VIT: variants seen among roughly 807,000 people sequenced by gnomAD.
VIT encodes vitrin.
VIT carries 99 observed loss-of-function variants against 78.0 expected under a neutral mutation model. The ratio of observed to expected loss-of-function variants is 1.27; its 90% CI spans 1.08 to 1.50. VIT has a LOEUF of 1.50. Among genes scored for constraint, VIT ranks in the 40% most tolerant of loss-of-function variants. The pLI is 0.00. For synonymous variants in VIT, 374 were observed against 334.3 expected (o/e 1.12, Z -1.29); for missense variants, 1,126 against 875.3 (o/e 1.29, Z -3.61).
At chr2:36,731,905 G>T (rs1667235085) in intron 3 of VIT, among the ~76,000 whole-genome samples, 1 of 152,188 alleles carries the variant, frequency 6.6e-6, no homozygotes. Context: ...AGAAAGATTT[G>T]CTTCACACAG....
At chr2:36,759,651 CAA>C in intron 6 of VIT, 5 of 990,184 alleles carry the variant, frequency 5.0e-6, no homozygotes, top group Non-Finnish European at 6.0e-6. Flanking sequence ...ATTTCCCACA[CAA>C]AGAGAAACTG....
At chr2:36,794,942 A>G (rs1267659366) in intron 12 of VIT, among the ~76,000 whole-genome samples, 1 of 152,210 alleles carries the variant, frequency 6.6e-6, no homozygotes, top group African/African-American at 2.4e-5. Flanking sequence ...ATCATCTAGG[A>G]TGTAATAGAA....
Position 36,759,061 on chromosome 2 carries a change from G to A in VIT, c.487+15G>A, listed in dbSNP as rs1668948093. 2 of 1,614,136 alleles carry A rather than the reference G, an allele frequency of 1.2e-6. No individual in the cohort carries two copies. Among genetic ancestry groups the A allele is most frequent in the Non-Finnish European group, 1.7e-6 (2 of 1,180,036 alleles). On this transcript the variant is annotated intron_variant, in intron 6 of 15. Coordinates refer to ENST00000379242, the MANE Select transcript of VIT (RefSeq NM_053276.4). ...TGCCCAAGCAGGCAAGTGCTCACGT[G>A]TGATTGAATCTAAACCTTCTGAGTC...
chr2:36,723,081 G>A (rs1011382543), intron 2 of VIT, among the ~76,000 whole-genome samples: 25 of 151,940 alleles, frequency 1.6e-4, no homozygotes, highest in Admixed American at 1.2e-3. Flanking sequence ...TAACATGTTA[G>A]TATATTTGTT....
chr2:36,702,405 A>AC (rs370103057), intron 1 of VIT, among the ~76,000 whole-genome samples: 1 of 144,344 alleles, frequency 6.9e-6, no homozygotes, highest in African/African-American at 2.5e-5. Context: ...AGCTCAGAGG[A>AC]TTTTTTTTTT....
chr2:36,700,907 A>T (rs1194243443), intron 1 of VIT, among the ~76,000 whole-genome samples: 6 of 152,130 alleles, frequency 3.9e-5, no homozygotes, highest in African/African-American at 1.4e-4. Flanking sequence ...GAAGGCACTG[A>T]TAAGTTGTGT....
intron 9 of VIT, among the ~76,000 whole-genome samples, chr2:36,776,891 C>T (rs886414592): frequency 6.6e-6 from 1 of 151,578 alleles, no homozygotes; most frequent in Non-Finnish European, 1.5e-5. Context: ...AGATCGAGAC[C>T]ATCCCGGCTA....
chr2:36,783,397 A>T lies in VIT; in HGVS notation c.905A>T (p.Asp302Val), dbSNP rs1432286555. 1.2e-6 allele frequency: 2 copies of T among 1,614,094 alleles called. No homozygotes were observed. The highest frequency in any genetic ancestry group is 3.3e-5 in the Admixed American group (2 of 60,020). The change falls in exon 11 of 16, where the codon GAT becomes GTT. Residue 302 changes from aspartate to valine, a missense_variant. Asp to Val is a radical substitution (Grantham distance 152). Transcript: ENST00000379242. The stretch of plus-strand genomic sequence containing the variant: ...TCTTTGGAGCCAGTATCCCTGGGAG[A>T]TCCAAGTAAGTTAATTGACAACTAG... Reference protein sequence around the residue: ...TQSLEPVSLGDPNCKIDLSFL... With the variant: ...TQSLEPVSLGVPNCKIDLSFL...
At position 36,743,083 on chromosome 2, in the gene VIT, T is replaced by G; in HGVS notation, c.119-17T>G. 3.1e-6 allele frequency: 5 copies of G among 1,613,696 alleles called. No homozygotes were observed. Among genetic ancestry groups the G allele is most frequent in the Non-Finnish European group, 2.5e-6 (3 of 1,179,710 alleles). On this transcript the variant is annotated splice_polypyrimidine_tract_variant and intron_variant, in intron 3 of 15. Transcript: ENST00000379242. ...AATAGCACAAGGTGTAATTTTGACC[T>G]CATTTTGTATTCCCAGCTGTGCCTC... is the stretch of plus-strand genomic sequence containing the variant.
At chr2:36,764,880 A>G (rs932066325) in intron 6 of VIT, among the ~76,000 whole-genome samples, 20 of 151,968 alleles carry the variant, frequency 1.3e-4, no homozygotes, top group African/African-American at 4.6e-4. Context: ...ATACAATGTC[A>G]AAGGGGAAGG....
chr2:36,789,837 C>T (rs1489218008), intron 12 of VIT, among the ~76,000 whole-genome samples: 2 of 152,130 alleles, frequency 1.3e-5, no homozygotes, highest in East Asian at 1.9e-4. Flanking sequence ...AACAAATGAC[C>T]GCCTCATCAA....
chr2:36,810,132 A>T (rs2148685974), intron 15 of VIT, among the ~76,000 whole-genome samples: 1 of 152,316 alleles, frequency 6.6e-6, no homozygotes, highest in African/African-American at 2.4e-5. Flanking sequence ...TCGCTACTAA[A>T]AATACAAAAT....
In VIT at chr2:36,783,402, A is replaced by C. The variant is rs1664891531; in HGVS notation, c.910A>C (p.Asn304His). The C allele has an allele frequency of 6.2e-7, 1 of 1,613,994 alleles. No individual in the cohort carries two copies. The highest frequency in any genetic ancestry group is 8.5e-7 in the Non-Finnish European group (1 of 1,179,986). The change falls in exon 11 of 16, where the codon AAC becomes CAC. Residue 304 changes from asparagine to histidine, a missense_variant and splice_region_variant. Physicochemically the swap from Asn to His is moderately conservative, Grantham distance 68 (BLOSUM62 1). Transcript: ENST00000379242. ...GGAGCCAGTATCCCTGGGAGATCCA[A>C]GTAAGTTAATTGACAACTAGAAACC... is the stretch of plus-strand genomic sequence containing the variant. Reference protein sequence around the residue: ...SLEPVSLGDPNCKIDLSFLID... With the variant: ...SLEPVSLGDPHCKIDLSFLID...
Position 36,808,577 on chromosome 2 carries a change from C to T in VIT, c.1495C>T (p.Leu499=), listed in dbSNP as rs1666911661. 1 of 1,614,026 alleles carries T rather than the reference C, an allele frequency of 6.2e-7. No individual in the cohort carries two copies. Among genetic ancestry groups the T allele is most frequent in the Non-Finnish European group, 8.5e-7 (1 of 1,180,048 alleles). Residue 499 remains leucine (L), a synonymous_variant, in exon 15 of 16, where the codon CTG becomes TTG. Coordinates refer to ENST00000379242, the MANE Select transcript of VIT (RefSeq NM_053276.4). ...GAAGCGGGTCTGCGACACTGACCGC[C>T]TGGCCTGCAGCAAGACCTGCTTGAA... ...LVKRVCDTDR[L]ACSKTCLNSA...
At chr2:36,751,502 A>T (rs1350805855) in intron 4 of VIT, among the ~76,000 whole-genome samples, 3 of 152,188 alleles carry the variant, frequency 2.0e-5, no homozygotes, top group Non-Finnish European at 2.9e-5. Flanking sequence ...AGAACTGGGG[A>T]GTCCCAGCAC....
chr2:36,774,672 G>C, intron 8 of VIT: 1 of 985,384 alleles, frequency 1.0e-6, no homozygotes. Flanking sequence ...CTTCACAATT[G>C]CACCTTTGCC....
At chr2:36,812,180 G>C (rs1335996428) in intron 15 of VIT, among the ~76,000 whole-genome samples, 1 of 152,116 alleles carries the variant, frequency 6.6e-6, no homozygotes, top group Admixed American at 6.5e-5. Context: ...GAGGGAGAAA[G>C]GGGACTGGCA....
At position 36,741,621 on chromosome 2, in the gene VIT, C is replaced by T. The variant is rs1199082800; in HGVS notation, c.119-1479C>T. Among the ~76,000 whole-genome samples the T allele has an allele frequency of 2.0e-5, 3 of 152,318 alleles. No homozygotes were observed. In the East Asian group the frequency reaches 5.8e-4, roughly 29 times the overall value. On this transcript the variant is annotated intron_variant, in intron 3 of 15. Transcript: ENST00000379242. The stretch of plus-strand genomic sequence containing the variant: ...ATACAGCTGGAAGCCATTAGCAACT[C>T]TGAGACCATCTCAGGAACCCAGTTA...
At chr2:36,800,218 G>A (rs556823139) in intron 12 of VIT, among the ~76,000 whole-genome samples, 1 of 152,156 alleles carries the variant, frequency 6.6e-6, no homozygotes, top group South Asian at 2.1e-4. Flanking sequence ...GGTGGCAGGT[G>A]CCTGTAATCC....
Sources: gnomAD v4.1 joint callset for allele counts (sites outside exome capture counted in the v4.1 genomes callset) on GRCh38, gnomAD v4.1.1 for gene constraint, MANE v1.5 for transcripts, NCBI Gene and HGNC (gene_info 2026-07-23, HGNC 2026-07-21) for gene names.